ABHD2: variants seen among roughly 807,000 people sequenced by gnomAD.
ABHD2 encodes monoacylglycerol lipase ABHD2.
Under a neutral mutation model 48.1 loss-of-function variants are expected in ABHD2, and 20 were observed. The ratio of observed to expected loss-of-function variants is 0.42; its 90% CI spans 0.29 to 0.60. The LOEUF is 0.60. ABHD2 is among the 20% of genes least tolerant of loss of function. The pLI, the probability that ABHD2 is intolerant of heterozygous loss-of-function variation, is 0.24. For missense variants in ABHD2, 405 were observed against 550.9 expected, an observed-to-expected ratio of 0.74 and a Z score of 2.65; for synonymous variants, 209 against 214.2, an observed-to-expected ratio of 0.98 and a Z score of 0.21.
chr15:89,076,440 C>T, the ABHD2 span, among the ~76,000 whole-genome samples: 1 of 152,000 alleles, frequency 6.6e-6, no homozygotes, highest in African/African-American at 2.4e-5. Flanking sequence ...ATTCATTCCC[C>T]AATTGTTTTG....
intron 3 of ABHD2, among the ~76,000 whole-genome samples, chr15:89,141,900 T>G (rs1358805075): frequency 1.3e-5 from 2 of 152,208 alleles, no homozygotes; most frequent in African/African-American, 2.4e-5. Flanking sequence ...AATATATACA[T>G]GCTAATTTGA....
Position 89,151,276 on chromosome 15 carries a change from A to C in ABHD2, c.195-401A>C, listed in dbSNP as rs1440853486. On this transcript the variant is annotated intron_variant, in intron 3 of 10. Transcript: ENST00000352732. This position sits in a 1 kb window ranked among gnomAD's most constrained non-coding sequence, Gnocchi z 4.7. The stretch of plus-strand genomic sequence containing the variant: ...TTAGGGAAAGAAGAAGTGAGCTTTT[A>C]GTGAGTGTAGGCGCTATGCTATTTC... Among the ~76,000 whole-genome samples, 1 of 152,220 alleles carries C rather than the reference A, an allele frequency of 6.6e-6. No homozygotes were observed. Among genetic ancestry groups the C allele is most frequent in the Non-Finnish European group, 1.5e-5 (1 of 68,032 alleles).
At position 89,186,520 on chromosome 15, in the gene ABHD2, C is replaced by T. The variant is rs1448966233; in HGVS notation, c.815+1004C>T. ...ACTGCCCTTGCTGAGAATACTCTCC[C>T]GTTTCTCTGCTGGTGGGAACTCAGC... On this transcript the variant is annotated intron_variant, in intron 7 of 10. Coordinates refer to ENST00000352732, the MANE Select transcript of ABHD2 (RefSeq NM_152924.5). This position sits in a 1 kb window ranked among gnomAD's most constrained non-coding sequence, Gnocchi z 4.3. 6.6e-6 allele frequency among the ~76,000 whole-genome samples: 1 copy of T among 152,104 alleles called. No homozygotes were observed. The highest frequency in any genetic ancestry group is 1.5e-5 in the Non-Finnish European group (1 of 68,028).
At chr15:89,163,091 C>T (rs1567098592) in intron 5 of ABHD2, among the ~76,000 whole-genome samples, 1 of 152,128 alleles carries the variant, frequency 6.6e-6, no homozygotes, top group Non-Finnish European at 1.5e-5. Context: ...CTGTGAATAC[C>T]CTTTGGGCTT....
At chr15:89,193,423 G>C in intron 10 of ABHD2, 104 bp downstream of exon 10, 1 of 891,014 alleles carries the variant, frequency 1.1e-6, no homozygotes, top group Non-Finnish European at 1.9e-6. Flanking sequence ...CCCTCTTTAG[G>C]GAAAGACATC....
Position 89,178,496 on chromosome 15 carries a change from G to A in ABHD2, c.722+2501G>A, listed in dbSNP as rs536863132. 1.1e-4 allele frequency among the ~76,000 whole-genome samples: 17 copies of A among 152,290 alleles called. No homozygotes were observed. The South Asian group carries it at 2.9e-3, about 26-fold the overall frequency. On this transcript the variant is annotated intron_variant, in intron 6 of 10. Transcript: ENST00000352732. ...TGCGTCTGGTAAATCTCTCCTAGCT[G>A]AGTCTGGAGACCCGCTTCCTCAGTG...
At chr15:89,057,849 A>G in the ABHD2 span, among the ~76,000 whole-genome samples, 3 of 152,036 alleles carry the variant, frequency 2.0e-5, no homozygotes, top group Non-Finnish European at 4.4e-5. Context: ...TAAGAAAACG[A>G]AGATAGATTC....
chr15:89,096,306 G>A (rs1289400776), intron 1 of ABHD2, among the ~76,000 whole-genome samples: 2 of 152,220 alleles, frequency 1.3e-5, no homozygotes, highest in East Asian at 3.8e-4. Context: ...CTCTGTAATC[G>A]TAAAAGTGCC....
the ABHD2 span, among the ~76,000 whole-genome samples, chr15:89,076,995 T>C: frequency 6.6e-6 from 1 of 152,188 alleles, no homozygotes; most frequent in Admixed American, 6.5e-5. Flanking sequence ...TGCTTTCTTG[T>C]TTTTTAGTAC....
chr15:89,109,612 A>G (rs907506494), intron 1 of ABHD2, among the ~76,000 whole-genome samples: 1 of 152,114 alleles, frequency 6.6e-6, no homozygotes, highest in East Asian at 1.9e-4. Flanking sequence ...GGGCCACACA[A>G]AATAATACAA....
chr15:89,063,380 A>G, the ABHD2 span, among the ~76,000 whole-genome samples: 1 of 152,308 alleles, frequency 6.6e-6, no homozygotes, highest in East Asian at 1.9e-4. Context: ...AGAATATAGA[A>G]AAGCATGAAG....
chr15:89,142,899 T>C (rs185290630), intron 3 of ABHD2, among the ~76,000 whole-genome samples: 13 of 152,282 alleles, frequency 8.5e-5, no homozygotes, highest in Admixed American at 7.8e-4. Context: ...AGTGACATTT[T>C]GAATATAAAT....
chr15:89,042,664 C>T, the ABHD2 span, among the ~76,000 whole-genome samples: 5 of 142,210 alleles, frequency 3.5e-5, no homozygotes, highest in African/African-American at 5.1e-5. Flanking sequence ...TTTTCTTTTT[C>T]GAGACAGAGT....
intron 3 of ABHD2, among the ~76,000 whole-genome samples, chr15:89,150,640 G>C (rs1289496576): frequency 6.6e-6 from 1 of 152,190 alleles, no homozygotes; most frequent in Non-Finnish European, 1.5e-5. Flanking sequence ...CATACAAGGA[G>C]TAAATCAAAG....
At chr15:89,057,021 C>T in the ABHD2 span, among the ~76,000 whole-genome samples, 1 of 145,934 alleles carries the variant, frequency 6.9e-6, no homozygotes, top group Non-Finnish European at 1.5e-5. Flanking sequence ...TCAAGCGATT[C>T]TCCTGCCTCA....
chr15:89,125,190 A>G (rs988330289), intron 3 of ABHD2, among the ~76,000 whole-genome samples: 1 of 151,750 alleles, frequency 6.6e-6, no homozygotes. Context: ...TGTGAGGCAG[A>G]GGTTGCAGTG....
At chr15:89,133,409 G>C (rs146483746) in intron 3 of ABHD2, among the ~76,000 whole-genome samples, 5 of 152,188 alleles carry the variant, frequency 3.3e-5, no homozygotes, top group Non-Finnish European at 1.5e-5. Context: ...CCTAGAGGTG[G>C]AACTACTGGG....
Position 89,195,163 on chromosome 15 carries a change from C to T in ABHD2, c.1082-64C>T. 1 of 1,561,734 alleles carries T rather than the reference C, an allele frequency of 6.4e-7. No individual in the cohort carries two copies. ...CCAGGCTACCCTAGCCAGCTCACCT[C>T]TGCACCTCCTGTCCTGGAGCAAACT... On this transcript the variant is annotated intron_variant, in intron 10 of 10. Transcript: ENST00000352732. The surrounding 1 kb of genome is among the most constrained non-coding windows in gnomAD (Gnocchi z 5.1).
the ABHD2 span, among the ~76,000 whole-genome samples, chr15:89,046,574 C>A: frequency 7.2e-5 from 11 of 151,772 alleles, no homozygotes; most frequent in African/African-American, 2.7e-4. Context: ...ACAATTTCAG[C>A]TCCTGTTATT....
Sources: allele counts gnomAD v4.1 joint callset (sites outside exome capture counted in the v4.1 genomes callset), GRCh38; gene constraint gnomAD v4.1.1; non-coding constraint Gnocchi (gnomAD v3.1); transcripts MANE v1.5; gene names NCBI Gene and HGNC (gene_info 2026-07-23, HGNC 2026-07-21).